Variants in KIAA1217 observed in about 807,000 individuals in gnomAD.
KIAA1217 encodes the protein KIAA1217.
KIAA1217 carries 88 observed loss-of-function variants against 163.9 expected under a neutral mutation model. That is an observed-to-expected ratio of 0.54 (90% CI 0.45 to 0.64). The LOEUF is 0.64. Ranked by LOEUF, KIAA1217 falls within the 30% of genes least tolerant of loss-of-function variation. KIAA1217 has a pLI of 0.00. For synonymous variants in KIAA1217, 903 were observed against 923.1 expected (o/e 0.98, Z 0.39); for missense variants, 2,372 against 2,475.0 (o/e 0.96, Z 0.88).
intron 7 of KIAA1217, 60 bp from the exon 8 acceptor site, chr10:24,495,087 A>T (rs1592392340): frequency 2.7e-5 from 14 of 524,956 alleles, no homozygotes; most frequent in East Asian, 9.6e-5. Context: ...ATGGGCTTTA[A>T]AAAAAAAAAA....
At chr10:24,377,797 A>C (rs531953144) in intron 2 of KIAA1217, among the ~76,000 whole-genome samples, 7 of 152,344 alleles carry the variant, frequency 4.6e-5, no homozygotes, top group Admixed American at 2.0e-4. Context: ...GGTTCTTACT[A>C]ATATGAATAT....
chr10:24,105,860 C>T (rs1260189825), intron 2 of KIAA1217, among the ~76,000 whole-genome samples: 1 of 152,192 alleles, frequency 6.6e-6, no homozygotes, highest in Non-Finnish European at 1.5e-5. Flanking sequence ...TGGAAACTTC[C>T]CCTGAGTGGA....
At chr10:23,898,588 T>A (rs147038239) in intron 1 of KIAA1217, among the ~76,000 whole-genome samples, 2 of 152,240 alleles carry the variant, frequency 1.3e-5, no homozygotes, top group East Asian at 3.9e-4. Flanking sequence ...TTTTTAAGTG[T>A]TTTATTGCAT....
At chr10:24,201,663 G>A (rs1303726527) in intron 2 of KIAA1217, among the ~76,000 whole-genome samples, 2 of 152,118 alleles carry the variant, frequency 1.3e-5, no homozygotes, top group Non-Finnish European at 2.9e-5. Flanking sequence ...CCATCTGCAA[G>A]GAACAGAAGT....
intron 2 of KIAA1217, among the ~76,000 whole-genome samples, chr10:24,270,735 T>C (rs779956030): frequency 6.6e-6 from 1 of 152,122 alleles, no homozygotes; most frequent in African/African-American, 2.4e-5. Flanking sequence ...TTAGTAGTTA[T>C]GGGGTTTCAC....
chr10:24,245,699 A>G (rs1402196116), intron 2 of KIAA1217, among the ~76,000 whole-genome samples: 1 of 151,702 alleles, frequency 6.6e-6, no homozygotes, highest in Admixed American at 6.6e-5. Context: ...TGGTACAATC[A>G]TGTCTCACTG....
intron 1 of KIAA1217, among the ~76,000 whole-genome samples, chr10:23,716,139 A>C (rs1837556056): frequency 6.6e-6 from 1 of 152,158 alleles, no homozygotes; most frequent in African/African-American, 2.4e-5. Flanking sequence ...TGAGATGAGG[A>C]TGTGTCATTA....
At chr10:24,377,679 C>G (rs1187363374) in intron 2 of KIAA1217, among the ~76,000 whole-genome samples, 2 of 152,046 alleles carry the variant, frequency 1.3e-5, no homozygotes, top group Admixed American at 1.3e-4. Flanking sequence ...ATTGTAACCC[C>G]TCATAAATTT....
intron 1 of KIAA1217, among the ~76,000 whole-genome samples, chr10:23,808,870 C>T (rs1325404482): frequency 3.9e-5 from 6 of 152,066 alleles, no homozygotes; most frequent in Non-Finnish European, 7.4e-5. Flanking sequence ...AGACCTACAA[C>T]TGTGAAAATG....
intron 1 of KIAA1217, among the ~76,000 whole-genome samples, chr10:23,840,206 A>G (rs1276573488): frequency 1.3e-5 from 2 of 150,298 alleles, no homozygotes; most frequent in Non-Finnish European, 3.0e-5. Flanking sequence ...CCTAGGCTGG[A>G]GTGCAATGGT....
intron 2 of KIAA1217, among the ~76,000 whole-genome samples, chr10:24,096,084 G>A (rs12360313): frequency 0.029 from 4,406 of 152,240 alleles, 72 homozygotes; most frequent in Middle Eastern, 0.078. Context: ...TTCCATCCTG[G>A]GTGACAGAGT....
intron 1 of KIAA1217, among the ~76,000 whole-genome samples, chr10:23,746,549 G>A (rs566338802): frequency 1.6e-4 from 24 of 151,930 alleles, no homozygotes; most frequent in East Asian, 7.7e-4. Context: ...TCAGCCTCCC[G>A]AGTAGTTGGG....
intron 1 of KIAA1217, among the ~76,000 whole-genome samples, chr10:23,763,614 A>T (rs190340691): frequency 1.6e-3 from 250 of 152,340 alleles, no homozygotes; most frequent in South Asian, 3.5e-3. Flanking sequence ...TGGATTAAAG[A>T]CTTAAATGTA....
chr10:23,697,145 G>T (rs567390191), intron 1 of KIAA1217, among the ~76,000 whole-genome samples: 1 of 152,188 alleles, frequency 6.6e-6, no homozygotes, highest in Non-Finnish European at 1.5e-5. Context: ...CATTTTTAGA[G>T]CAGAGTCTCT....
At chr10:24,489,654 G>A (rs2065851354) in intron 6 of KIAA1217, among the ~76,000 whole-genome samples, 1 of 151,864 alleles carries the variant, frequency 6.6e-6, no homozygotes, top group African/African-American at 2.4e-5. Flanking sequence ...TTGAGTCCAG[G>A]AGATCAAGAC....
chr10:24,208,137 T>TC (rs1291546560), upstream of KIAA1217, among the ~76,000 whole-genome samples: 4 of 151,880 alleles, frequency 2.6e-5, no homozygotes, highest in East Asian at 3.9e-4. Flanking sequence ...TTTTTTTTTT[T>TC]CGGACATCAT....
At chr10:23,720,201 T>A (rs1837797571) in intron 1 of KIAA1217, among the ~76,000 whole-genome samples, 1 of 152,114 alleles carries the variant, frequency 6.6e-6, no homozygotes, top group Non-Finnish European at 1.5e-5. Context: ...CCTCAATAAA[T>A]TATTTTAGAA....
intron 3 of KIAA1217, among the ~76,000 whole-genome samples, chr10:24,413,066 C>A (rs1186655313): frequency 1.3e-5 from 2 of 152,198 alleles, no homozygotes; most frequent in East Asian, 3.9e-4. Context: ...AATATATGCA[C>A]AAATCCAGCC....
chr10:24,470,106 A>G (rs2063341861), intron 5 of KIAA1217, among the ~76,000 whole-genome samples: 1 of 152,006 alleles, frequency 6.6e-6, no homozygotes, highest in Admixed American at 6.6e-5. Context: ...TTATGTGGAG[A>G]ATTTGCCCAC....
Sources: gnomAD v4.1 joint callset for allele counts (sites outside exome capture counted in the v4.1 genomes callset) on GRCh38, gnomAD v4.1.1 for gene constraint, MANE v1.5 for transcripts, NCBI Gene and HGNC (gene_info 2026-07-23, HGNC 2026-07-21) for gene names.